The following GBE1 variants were observed in gnomAD, a reference collection of about 807,000 sequenced individuals.
GBE1 encodes the protein 1,4-alpha-glucan-branching enzyme.
A neutral mutation model predicts 88.8 loss-of-function variants in GBE1; 70 were observed. That is an observed-to-expected ratio of 0.79 (90% confidence interval 0.65 to 0.96). The LOEUF is 0.96. Ranked by LOEUF, GBE1 falls within the 40% of genes least tolerant of loss-of-function variation. GBE1 has a pLI of 0.00. For synonymous variants in GBE1, 284 were observed against 300.1 expected, an observed-to-expected ratio of 0.95 and a Z score of 0.56; for missense variants, 872 against 871.0, an observed-to-expected ratio of 1.00 and a Z score of -0.01.
chr3:81,562,273 G>A (rs1703430114), intron 12 of GBE1, among the ~76,000 whole-genome samples: 1 of 152,034 alleles, frequency 6.6e-6, no homozygotes, highest in African/African-American at 2.4e-5. Context: ...TTTCTCCCTT[G>A]ATTTGTTTGA....
chr3:81,565,984 A>G (rs970368314), intron 12 of GBE1, among the ~76,000 whole-genome samples: 1 of 152,196 alleles, frequency 6.6e-6, no homozygotes, highest in Non-Finnish European at 1.5e-5. Context: ...ATGAAAATAT[A>G]TTTTAGAAAG....
chr3:81,700,912 C>T (rs930642734), intron 2 of GBE1, among the ~76,000 whole-genome samples: 4 of 152,002 alleles, frequency 2.6e-5, no homozygotes, highest in Non-Finnish European at 4.4e-5. Flanking sequence ...AAATGCTTTC[C>T]GTTATAGCAA....
intron 1 of GBE1, among the ~76,000 whole-genome samples, chr3:81,758,509 C>T (rs960581296): frequency 2.0e-5 from 3 of 152,198 alleles, no homozygotes; most frequent in African/African-American, 7.2e-5. Flanking sequence ...CCTTCATAAG[C>T]CTAGATTTTT....
At chr3:81,588,103 C>CTTTTTT (rs5850528) in intron 9 of GBE1, among the ~76,000 whole-genome samples, 1 of 146,328 alleles carries the variant, frequency 6.8e-6, no homozygotes. Context: ...TCAAATGCTT[C>CTTTTTT]TTTTTTTTTT....
intron 14 of GBE1, among the ~76,000 whole-genome samples, chr3:81,517,780 A>G (rs1702817838): frequency 6.6e-6 from 1 of 151,348 alleles, no homozygotes; most frequent in East Asian, 1.9e-4. Context: ...TCATTTTAGT[A>G]CTATTTGTCT....
rs749994943 is a variant in GBE1 at position 81,535,219 on chromosome 3, C to A, written c.1910G>T (p.Arg637Leu). The change falls in exon 14 of 16, where the codon CGA (arginine) becomes CTA (leucine). Residue 637 changes from arginine to leucine, a missense_variant. Physicochemically the swap from Arg to Leu is moderately radical, Grantham distance 102. Transcript: ENST00000429644. ...TTTCCCTGGCAATGCTGTTCCAACT[C>A]GGTAGTCAGTGTAGCTCTTGCTTGG... is the stretch of plus-strand genomic sequence containing the variant. ...FHPSKSYTDY[R>L]VGTALPGKFK... The A allele has an allele frequency of 6.2e-7, 1 of 1,610,480 alleles. No homozygotes were observed. Among genetic ancestry groups the A allele is most frequent in the East Asian group, 2.2e-5 (1 of 44,714 alleles).
At chr3:81,695,953 T>G (rs1705585241) in intron 2 of GBE1, among the ~76,000 whole-genome samples, 1 of 152,118 alleles carries the variant, frequency 6.6e-6, no homozygotes, top group South Asian at 2.1e-4. Context: ...TCTCTGGCAG[T>G]CATAATTAAA....
chr3:81,555,482 A>G (rs975749072), intron 12 of GBE1, among the ~76,000 whole-genome samples: 14 of 152,324 alleles, frequency 9.2e-5, no homozygotes, highest in African/African-American at 3.1e-4. Flanking sequence ...TTAGTAACTT[A>G]ATGGGTGCTG....
At chr3:81,722,981 C>A (rs1706056551) in intron 1 of GBE1, among the ~76,000 whole-genome samples, 1 of 149,620 alleles carries the variant, frequency 6.7e-6, no homozygotes. Context: ...TACATATAAT[C>A]TATTCAAATC....
At position 81,586,152 on chromosome 3, in the gene GBE1, G is replaced by A. The variant is rs768472485; in HGVS notation, c.1275C>T (p.Ser425=). 1 of 1,608,488 alleles carries A rather than the reference G, an allele frequency of 6.2e-7. No individual in the cohort carries two copies. The change falls in exon 10 of 16, where the codon TCC becomes TCT. Residue 425 remains serine, a synonymous_variant. Transcript: ENST00000429644. The stretch of plus-strand genomic sequence containing the variant: ...GATAGTCAAAACCACCCCCTCCCTG[G>A]GAAATTGGAGAGCACAGAGCTGGCA... The part of the protein sequence containing the change: ...SGMPALCSPI[S]QGGGGFDYRL...
intron 12 of GBE1, among the ~76,000 whole-genome samples, chr3:81,574,907 G>A (rs1703623909): frequency 6.6e-6 from 1 of 152,192 alleles, no homozygotes; most frequent in African/African-American, 2.4e-5. Flanking sequence ...GCTCACGCCT[G>A]TAATCCCAGC....
chr3:81,759,654 T>C (rs1474669452), intron 1 of GBE1, among the ~76,000 whole-genome samples: 3 of 152,194 alleles, frequency 2.0e-5, no homozygotes, highest in African/African-American at 7.2e-5. Context: ...GAGTGAGGCA[T>C]GAGGGCCCAC....
rs750178026 is a variant in GBE1 at position 81,578,140 on chromosome 3, C to T, written c.1447-44G>A. Reference sequence around the variant, plus strand: ...TGGAGATAAATGAAAAAAAAAAGTGCTAAGTAGTTGTGATTTACAATAGAA... The same window carrying T: ...TGGAGATAAATGAAAAAAAAAAGTGTTAAGTAGTTGTGATTTACAATAGAA... On this transcript the variant is annotated intron_variant, in intron 11 of 15. Transcript: ENST00000429644. 1.9e-5 allele frequency: 27 copies of T among 1,426,970 alleles called. No individual in the cohort carries two copies. In the South Asian group the frequency reaches 3.3e-4, roughly 17 times the overall value. The allele number at this position is 1,426,970 out of a possible 1,614,324, so 88.4% of individuals were successfully genotyped here.
chr3:81,625,254 G>T (rs1426355649), intron 7 of GBE1, among the ~76,000 whole-genome samples: 2 of 152,106 alleles, frequency 1.3e-5, no homozygotes, highest in East Asian at 3.9e-4. Flanking sequence ...ACTACTGATA[G>T]CTTCTTCTCA....
At chr3:81,581,068 T>C (rs1337734246) in intron 11 of GBE1, 97 bp downstream of exon 11, 1 of 713,686 alleles carries the variant, frequency 1.4e-6, no homozygotes, top group Admixed American at 2.7e-5. Context: ...CAGAGGTTTA[T>C]ATTTCGATAT....
chr3:81,586,075 T>C lies in GBE1; in HGVS notation c.1335+17A>G. On this transcript the variant is annotated intron_variant, in intron 10 of 15. Coordinates refer to ENST00000429644, the MANE Select transcript of GBE1 (RefSeq NM_000158.4). ...ACAGTATTCACAGAAACAAAAAATA[T>C]TTACATGGACTCTTACCTGAATCCA... 6.7e-7 allele frequency: 1 copy of C among 1,500,510 alleles called. No homozygotes were observed. Among genetic ancestry groups the C allele is most frequent in the Non-Finnish European group, 9.2e-7 (1 of 1,088,856 alleles). The allele number at this position is 1,500,510 out of a possible 1,614,324, so 92.9% of individuals were successfully genotyped here. A position where few individuals can be genotyped will look rare whatever the true frequency, so the allele number is the denominator to read the frequency against.
chr3:81,586,140 A>C lies in GBE1; in HGVS notation c.1287T>G (p.Gly429=). Residue 429 remains glycine (G), a synonymous_variant, in exon 10 of 16, where the codon GGT becomes GGG. Transcript: ENST00000429644. The part of the protein sequence containing the change: ...ALCSPISQGG[G]GFDYRLAMAI... ...CCATGGCTAGTCGATAGTCAAAACC[A>C]CCCCCTCCCTGGGAAATTGGAGAGC... 6.2e-7 allele frequency: 1 copy of C among 1,609,128 alleles called. No individual in the cohort carries two copies. Among genetic ancestry groups the C allele is most frequent in the Non-Finnish European group, 8.5e-7 (1 of 1,178,190 alleles).
At chr3:81,514,563 T>A (rs1017997153) in intron 14 of GBE1, among the ~76,000 whole-genome samples, 1 of 151,590 alleles carries the variant, frequency 6.6e-6, no homozygotes, top group African/African-American at 2.4e-5. Context: ...TACAACTGAA[T>A]CCACTGCTTC....
At position 81,686,730 on chromosome 3, in the gene GBE1, G is replaced by A. The variant is rs184872997; in HGVS notation, c.314-15777C>T. Reference sequence around the variant, plus strand: ...AGATCACACCATTGCACTCCAGCCTGGGCAACAAGAGCGAAACTCTGACTC... The same window carrying A: ...AGATCACACCATTGCACTCCAGCCTAGGCAACAAGAGCGAAACTCTGACTC... On this transcript the variant is annotated intron_variant, in intron 2 of 15. Transcript: ENST00000429644. Among the ~76,000 whole-genome samples, 77 of 151,948 alleles carry A rather than the reference G, an allele frequency of 5.1e-4. 2 individuals are homozygous for A. The highest frequency in any genetic ancestry group is 2.0e-3 in the Admixed American group (30 of 15,244).
Sources: allele counts gnomAD v4.1 joint callset (sites outside exome capture counted in the v4.1 genomes callset), GRCh38; gene constraint gnomAD v4.1.1; transcripts MANE v1.5; gene names NCBI Gene and HGNC (gene_info 2026-07-23, HGNC 2026-07-21).